The following RNF130 variants were observed in gnomAD, a reference collection of about 807,000 sequenced individuals.
The protein encoded by RNF130 is E3 ubiquitin-protein ligase RNF130.
Under a neutral mutation model 44.6 loss-of-function variants are expected in RNF130, and 21 were observed. The ratio of observed to expected loss-of-function variants is 0.47; its 90% confidence interval spans 0.33 to 0.68. The LOEUF is 0.68. RNF130 is among the 30% of genes least tolerant of loss of function. RNF130 has a pLI of 0.02. For missense variants in RNF130, 479 were observed against 560.6 expected (o/e 0.85, Z 1.47); for synonymous variants, 214 against 210.4 (o/e 1.02, Z -0.15).
intron 7 of RNF130, among the ~76,000 whole-genome samples, chr5:179,929,762 C>A (rs1040146148): frequency 6.8e-6 from 1 of 146,816 alleles, no homozygotes; most frequent in South Asian, 2.2e-4. Context: ...AAAAAAAATT[C>A]TAGGATCAAT....
intron 7 of RNF130, among the ~76,000 whole-genome samples, chr5:179,921,849 C>T (rs1462291418): frequency 2.0e-5 from 3 of 150,808 alleles, no homozygotes; most frequent in Middle Eastern, 6.8e-3. Context: ...AGTGAAACCC[C>T]GTCTCTACTA....
At chr5:180,054,704 T>C (rs1330005396) in intron 1 of RNF130, among the ~76,000 whole-genome samples, 2 of 152,230 alleles carry the variant, frequency 1.3e-5, no homozygotes, top group Non-Finnish European at 2.9e-5. Flanking sequence ...TTTTGACTAC[T>C]GTGAGTCCCT....
chr5:179,957,781 C>T (rs1478571668), intron 8 of RNF130, among the ~76,000 whole-genome samples: 1 of 152,228 alleles, frequency 6.6e-6, no homozygotes, highest in East Asian at 1.9e-4. Flanking sequence ...TCCAGCAATA[C>T]ACCTCAAACA....
intron 7 of RNF130, among the ~76,000 whole-genome samples, chr5:179,933,554 C>T (rs1761843113): frequency 6.6e-6 from 1 of 151,168 alleles, no homozygotes; most frequent in Non-Finnish European, 1.5e-5. Flanking sequence ...ACATGATCTC[C>T]TCTGTTGCCC....
At chr5:180,033,287 T>G in intron 2 of RNF130, among the ~76,000 whole-genome samples, 1 of 152,212 alleles carries the variant, frequency 6.6e-6, no homozygotes, top group East Asian at 1.9e-4. Flanking sequence ...TGGCTGAGAT[T>G]TTCTTGAATT....
At chr5:179,976,504 T>C (rs937868797) in intron 5 of RNF130, among the ~76,000 whole-genome samples, 4 of 152,218 alleles carry the variant, frequency 2.6e-5, no homozygotes, top group African/African-American at 9.7e-5. Flanking sequence ...CGTGTGCATT[T>C]CCTTTAGCCT....
At chr5:179,938,326 A>G (rs973577166) in intron 7 of RNF130, among the ~76,000 whole-genome samples, 2 of 152,068 alleles carry the variant, frequency 1.3e-5, no homozygotes, top group Non-Finnish European at 2.9e-5. Flanking sequence ...CATACTTTGC[A>G]TGATTCAATT....
chr5:180,054,367 G>A (rs915772948), intron 1 of RNF130, among the ~76,000 whole-genome samples: 6 of 152,024 alleles, frequency 3.9e-5, no homozygotes, highest in African/African-American at 1.2e-4. Context: ...CTTCCACCCC[G>A]TGGCATGTCA....
At chr5:179,953,026 C>T (rs1307025775), downstream of RNF130, among the ~76,000 whole-genome samples, 1 of 151,982 alleles carries the variant, frequency 6.6e-6, no homozygotes, top group Non-Finnish European at 1.5e-5. Flanking sequence ...AATAAATAAG[C>T]ATCCAGATTG....
chr5:179,956,921 G>A (rs956232763), intron 8 of RNF130, among the ~76,000 whole-genome samples: 3 of 152,210 alleles, frequency 2.0e-5, no homozygotes, highest in African/African-American at 7.2e-5. Context: ...ATGAGGGGGC[G>A]TTGTCAACTT....
intron 7 of RNF130, among the ~76,000 whole-genome samples, chr5:179,922,020 G>GAAA (rs1416248308): frequency 6.6e-6 from 1 of 150,654 alleles, no homozygotes; most frequent in Non-Finnish European, 1.5e-5. Context: ...GACTCCGTCT[G>GAAA]AAAAAAGAAA....
chr5:180,011,523 T>A (rs1373928565), intron 3 of RNF130, among the ~76,000 whole-genome samples: 1 of 152,206 alleles, frequency 6.6e-6, no homozygotes, highest in South Asian at 2.1e-4. Flanking sequence ...CCTGACACTT[T>A]GGGAGGCCAA....
chr5:179,985,078 TAATTA>T (rs1387675877), intron 3 of RNF130, among the ~76,000 whole-genome samples: 1 of 151,826 alleles, frequency 6.6e-6, no homozygotes. Context: ...CCTATTAATT[TAATTA>T]CTCTGGTGTA....
In RNF130 at chr5:180,028,120, C is replaced by T. The variant is rs202135338; in HGVS notation, c.442+12333G>A. Among the ~76,000 whole-genome samples the T allele has an allele frequency of 1.8e-4, 27 of 152,300 alleles. No homozygotes were observed. In the East Asian group the frequency reaches 5.0e-3, roughly 28 times the overall value. On this transcript the variant is annotated intron_variant, in intron 2 of 8. Coordinates refer to ENST00000521389, the MANE Select transcript of RNF130 (RefSeq NM_018434.6). Reference sequence around the variant, plus strand: ...TGTTTTGCTTTTCCCCACCTCAGATCCTTCACTTACAAGGGGCCTTTGGCC... The same window carrying T: ...TGTTTTGCTTTTCCCCACCTCAGATTCTTCACTTACAAGGGGCCTTTGGCC...
chr5:180,058,401 A>G (rs1056308020), intron 1 of RNF130, among the ~76,000 whole-genome samples: 3 of 152,240 alleles, frequency 2.0e-5, no homozygotes, highest in African/African-American at 7.2e-5. Flanking sequence ...ACATGCTACA[A>G]CACAGATGAA....
rs1304017561 is a variant in RNF130, at chr5:180,040,514, T to A, written c.381A>T (p.Ala127=). 1.2e-6 allele frequency: 2 copies of A among 1,614,110 alleles called. No individual in the cohort carries two copies. Among genetic ancestry groups the A allele is most frequent in the Non-Finnish European group, 1.7e-6 (2 of 1,180,046 alleles). Residue 127 remains alanine (A), a synonymous_variant, in exon 2 of 9, where the codon GCA becomes GCT. Transcript: ENST00000521389. ...EKISRAAFHN[A]VAVVIYNNKS... is the part of the protein sequence containing the mutation. Reference sequence around the variant, plus strand: ...TATTATTGTAGATGACTACAGCAACTGCATTGTGGAAAGCGGCCCGTGATA... The same window carrying A: ...TATTATTGTAGATGACTACAGCAACAGCATTGTGGAAAGCGGCCCGTGATA...
chr5:180,030,634 T>C (rs554732367), intron 2 of RNF130, among the ~76,000 whole-genome samples: 26 of 152,306 alleles, frequency 1.7e-4, no homozygotes, highest in Admixed American at 6.5e-4. Flanking sequence ...CAGTCTCCGA[T>C]GTAGCTGGGA....
chr5:180,019,359 GGGCGAC>G (rs1305626429), intron 2 of RNF130, among the ~76,000 whole-genome samples: 1 of 151,388 alleles, frequency 6.6e-6, no homozygotes, highest in Non-Finnish European at 1.5e-5. Context: ...ACTCCAGCCT[GGGCGAC>G]AGAGCGAGAC....
chr5:180,050,718 G>A (rs1764669498), intron 1 of RNF130, among the ~76,000 whole-genome samples: 1 of 152,044 alleles, frequency 6.6e-6, no homozygotes, highest in African/African-American at 2.4e-5. Context: ...TCTTTCTTTT[G>A]TTCTCATTCT....
Sources: allele counts gnomAD v4.1 joint callset (sites outside exome capture counted in the v4.1 genomes callset), GRCh38; gene constraint gnomAD v4.1.1; transcripts MANE v1.5; gene names NCBI Gene and HGNC (gene_info 2026-07-23, HGNC 2026-07-21).